CDH12: variants seen among roughly 807,000 people sequenced by gnomAD.
The protein encoded by CDH12 is cadherin 12.
In CDH12, 41 loss-of-function variants were observed where a neutral mutation model predicts 74.1. The ratio of observed to expected loss-of-function variants is 0.55; its 90% CI spans 0.43 to 0.72. The LOEUF is 0.72. Among genes scored for constraint, CDH12 ranks in the 30% least tolerant of loss-of-function variants. CDH12 has a pLI of 0.00. For synonymous variants in CDH12, 399 were observed against 355.0 expected, an observed-to-expected ratio of 1.12 and a Z score of -1.39; for missense variants, 945 against 977.2, an observed-to-expected ratio of 0.97 and a Z score of 0.44.
chr5:22,600,963 G>T (rs1370043916), intron 1 of CDH12, among the ~76,000 whole-genome samples: 1 of 152,098 alleles, frequency 6.6e-6, no homozygotes, highest in Non-Finnish European at 1.5e-5. Context: ...CTATGATGTG[G>T]TTATTTATAT....
intron 5 of CDH12, among the ~76,000 whole-genome samples, chr5:21,996,126 T>G (rs1451420271): frequency 2.7e-5 from 4 of 147,434 alleles, no homozygotes; most frequent in South Asian, 2.2e-4. Flanking sequence ...TTTTTTTTTT[T>G]TTTTTTCCAA....
At chr5:22,727,380 A>G (rs1744214161) in intron 1 of CDH12, among the ~76,000 whole-genome samples, 1 of 151,734 alleles carries the variant, frequency 6.6e-6, no homozygotes. Flanking sequence ...CTTATTATTA[A>G]CTTTTAAAAA....
At chr5:21,891,572 T>TACACACATACACACACACACACAC (rs1752900776) in intron 6 of CDH12, among the ~76,000 whole-genome samples, 1 of 144,954 alleles carries the variant, frequency 6.9e-6, no homozygotes, top group Non-Finnish European at 1.5e-5. Context: ...CACACACACA[T>TACACACATACACACACACACACAC]ACACACACAC....
intron 1 of CDH12, among the ~76,000 whole-genome samples, chr5:22,776,116 C>T (rs1295838964): frequency 6.6e-6 from 1 of 152,042 alleles, no homozygotes; most frequent in Admixed American, 6.6e-5. Context: ...AGCATGAATG[C>T]GGACTAATAC....
At chr5:22,262,386 G>A (rs1753553006) in intron 3 of CDH12, among the ~76,000 whole-genome samples, 1 of 150,992 alleles carries the variant, frequency 6.6e-6, no homozygotes. Context: ...TTTTGTTCTT[G>A]AGATAGTTTA....
intron 1 of CDH12, among the ~76,000 whole-genome samples, chr5:22,769,898 A>G (rs1435346551): frequency 6.6e-6 from 1 of 152,124 alleles, no homozygotes; most frequent in Non-Finnish European, 1.5e-5. Flanking sequence ...CTTATATATA[A>G]TCCAAACTCA....
At chr5:22,142,611 T>G in intron 4 of CDH12, 1 of 507,062 alleles carries the variant, frequency 2.0e-6, no homozygotes, top group South Asian at 1.9e-5. Flanking sequence ...ATTCAATTCT[T>G]ACATCCTACC....
rs370147089 is a variant in CDH12, at chr5:21,892,744, T to C, written c.527-37954A>G. On this transcript the variant is annotated intron_variant, in intron 6 of 14. Transcript: ENST00000382254. ...TTCACAAGGATATGACCTATGGCCA[T>C]TCTCCTCCTTAAAAAAATCTGTGAT... 3.9e-5 allele frequency among the ~76,000 whole-genome samples: 6 copies of C among 152,142 alleles called. No homozygotes were observed. In the East Asian group the frequency reaches 5.8e-4, roughly 15 times the overall value.
rs554381765 is a variant in CDH12, at chr5:22,734,663, G to A, written c.-523+118395C>T. ...CTTTAGGATGCAGGAATCAATCTCTGCCATTACCATGAAAAAGAATGATTC... is the reference window on the plus strand; with the variant it reads ...CTTTAGGATGCAGGAATCAATCTCTACCATTACCATGAAAAAGAATGATTC... On this transcript the variant is annotated intron_variant, in intron 1 of 14. Coordinates refer to ENST00000382254, the MANE Select transcript of CDH12 (RefSeq NM_004061.5). 3.3e-5 allele frequency among the ~76,000 whole-genome samples: 5 copies of A among 151,994 alleles called. 1 individual carries two copies. In the South Asian group the frequency reaches 1.0e-3, roughly 32 times the overall value.
chr5:22,817,194 C>A (rs1749435819), intron 1 of CDH12, among the ~76,000 whole-genome samples: 1 of 151,998 alleles, frequency 6.6e-6, no homozygotes, highest in African/African-American at 2.4e-5. Flanking sequence ...CTTTCCGTAT[C>A]TAATCATCAA....
chr5:22,835,760 G>A (rs1235346187), intron 1 of CDH12, among the ~76,000 whole-genome samples: 4 of 152,070 alleles, frequency 2.6e-5, no homozygotes, highest in Admixed American at 2.6e-4. Flanking sequence ...TGTGAATCTG[G>A]GCAAATCTCC....
At chr5:22,257,736 T>C (rs979905615) in intron 3 of CDH12, among the ~76,000 whole-genome samples, 2 of 152,036 alleles carry the variant, frequency 1.3e-5, no homozygotes, top group Non-Finnish European at 2.9e-5. Flanking sequence ...GAGCTCCTGA[T>C]TTGCCTGCCT....
intron 3 of CDH12, among the ~76,000 whole-genome samples, chr5:22,383,132 C>T (rs368171884): frequency 2.2e-4 from 34 of 152,158 alleles, no homozygotes; most frequent in African/African-American, 7.2e-4. Flanking sequence ...CGCCCAGTCT[C>T]GTATTCAAAT....
chr5:22,405,872 G>C (rs534711595), intron 2 of CDH12, among the ~76,000 whole-genome samples: 4 of 152,172 alleles, frequency 2.6e-5, no homozygotes, highest in South Asian at 2.1e-4. Context: ...CATAGTATTT[G>C]CATATAGCCT....
chr5:21,861,632 A>C (rs1045404481), intron 6 of CDH12, among the ~76,000 whole-genome samples: 1 of 152,122 alleles, frequency 6.6e-6, no homozygotes, highest in African/African-American at 2.4e-5. Flanking sequence ...CTTTCAGCGG[A>C]CACTTTGTTA....
At chr5:21,913,475 G>T (rs1481212255) in intron 6 of CDH12, among the ~76,000 whole-genome samples, 2 of 152,008 alleles carry the variant, frequency 1.3e-5, no homozygotes, top group African/African-American at 4.8e-5. Context: ...AAGTAAACAA[G>T]TTTCTGTCCG....
At chr5:22,820,476 G>A (rs1027015816) in intron 1 of CDH12, among the ~76,000 whole-genome samples, 18 of 152,006 alleles carry the variant, frequency 1.2e-4, no homozygotes, top group Middle Eastern at 3.4e-3. Flanking sequence ...CAACAAAATC[G>A]ATAGACCGCT....
chr5:22,043,241 T>C (rs1316928643), intron 5 of CDH12, among the ~76,000 whole-genome samples: 1 of 152,150 alleles, frequency 6.6e-6, no homozygotes, highest in Non-Finnish European at 1.5e-5. Flanking sequence ...TAAAGGATTA[T>C]TCACCGTGAG....
At chr5:22,514,405 A>C (rs908860317) in intron 1 of CDH12, among the ~76,000 whole-genome samples, 1 of 152,198 alleles carries the variant, frequency 6.6e-6, no homozygotes, top group Non-Finnish European at 1.5e-5. Flanking sequence ...CACAGGGAGG[A>C]GAGTGCTATA....
Sources: allele counts gnomAD v4.1 joint callset (sites outside exome capture counted in the v4.1 genomes callset), GRCh38; gene constraint gnomAD v4.1.1; transcripts MANE v1.5; gene names NCBI Gene and HGNC (gene_info 2026-07-23, HGNC 2026-07-21).